PPP1R14C: variants seen among roughly 807,000 people sequenced by gnomAD.
The protein encoded by PPP1R14C is protein phosphatase 1 regulatory subunit 14C.
In PPP1R14C, 16 loss-of-function variants were observed where a neutral mutation model predicts 20.4. That is an observed-to-expected ratio of 0.78 (90% CI 0.53 to 1.19). The LOEUF (loss-of-function observed/expected upper bound fraction) is 1.19. Ranked by LOEUF, PPP1R14C falls within the 50% of genes most tolerant of loss-of-function variation. The probability of loss-of-function intolerance (pLI) is 0.00; values close to 1 mark genes in which losing one functional copy is unlikely to be tolerated. For synonymous variants in PPP1R14C, 91 were observed against 91.0 expected, an observed-to-expected ratio of 1.00 and a Z score of 0.00; for missense variants, 211 against 220.1, an observed-to-expected ratio of 0.96 and a Z score of 0.26.
intron 1 of PPP1R14C, among the ~76,000 whole-genome samples, chr6:150,209,976 T>A (rs2114906016): frequency 6.6e-6 from 1 of 151,984 alleles, no homozygotes; most frequent in East Asian, 1.9e-4. Flanking sequence ...TTCATGTGTG[T>A]GTATGTCTGT....
rs1259056755 is a variant in PPP1R14C at position 150,201,255 on chromosome 6, A to G, written c.307-13489A>G. On this transcript the variant is annotated intron_variant, in intron 1 of 3. Coordinates refer to ENST00000361131, the MANE Select transcript of PPP1R14C (RefSeq NM_030949.3). This position sits in a 1 kb window ranked among gnomAD's most constrained non-coding sequence, Gnocchi z 4.2. ...CTGCTCTTGGTCCTCCAGTATGGGG[A>G]GGCAGACTGAGAAATGTGAATTGGA... 6.6e-6 allele frequency among the ~76,000 whole-genome samples: 1 copy of G among 152,178 alleles called. No individual in the cohort carries two copies. The highest frequency in any genetic ancestry group is 1.5e-5 in the Non-Finnish European group (1 of 68,032).
chr6:150,177,597 C>A (rs79664274), intron 1 of PPP1R14C, among the ~76,000 whole-genome samples: 1 of 152,164 alleles, frequency 6.6e-6, no homozygotes, highest in East Asian at 1.9e-4. Flanking sequence ...TCTCTCTCCC[C>A]GGTAGGGTTC....
intron 3 of PPP1R14C, among the ~76,000 whole-genome samples, chr6:150,222,298 A>T (rs1267554455): frequency 6.6e-6 from 1 of 152,074 alleles, no homozygotes; most frequent in Non-Finnish European, 1.5e-5. Context: ...TATTATTTAG[A>T]GCAGTTTTAG....
At chr6:150,216,767 A>T in intron 2 of PPP1R14C, 57 bp from the exon 3 acceptor site, 1 of 1,237,098 alleles carries the variant, frequency 8.1e-7, no homozygotes, top group Non-Finnish European at 1.1e-6. Context: ...ATTTTGCCTT[A>T]AAAATAATGC....
chr6:150,144,368 G>T (rs762866135), intron 1 of PPP1R14C, among the ~76,000 whole-genome samples: 4 of 152,216 alleles, frequency 2.6e-5, no homozygotes, highest in Admixed American at 6.5e-5. Context: ...TTTGATTTAG[G>T]GAGAAATATG....
At chr6:150,239,228 G>A (rs931956215) in intron 3 of PPP1R14C, among the ~76,000 whole-genome samples, 5 of 152,202 alleles carry the variant, frequency 3.3e-5, no homozygotes, top group Non-Finnish European at 7.3e-5. Context: ...AAGTTACATG[G>A]GAGGAGGCTG....
intron 1 of PPP1R14C, among the ~76,000 whole-genome samples, chr6:150,165,636 T>C (rs1777414383): frequency 1.3e-5 from 2 of 152,248 alleles, no homozygotes; most frequent in South Asian, 2.1e-4. Context: ...TTTCTTTCTT[T>C]ACAAGTTAAA....
In PPP1R14C at chr6:150,162,527, C is replaced by T. The variant is rs990609109; in HGVS notation, c.306+19029C>T. 8.3e-5 allele frequency among the ~76,000 whole-genome samples: 6 copies of T among 72,122 alleles called. No homozygotes were observed. The South Asian group carries it at 4.2e-3, about 51-fold the overall frequency. The allele number at this position is 72,122 out of a possible 152,430, so 47.3% of individuals were successfully genotyped here. ...CCGTGGTTTTTTTGTGACTTGATAG[C>T]TCCATCTTTTTATGGCTGAATAAGA... On this transcript the variant is annotated intron_variant, in intron 1 of 3. Coordinates refer to ENST00000361131, the MANE Select transcript of PPP1R14C (RefSeq NM_030949.3).
intron 3 of PPP1R14C, among the ~76,000 whole-genome samples, chr6:150,229,522 A>T (rs1778268203): frequency 1.3e-5 from 2 of 152,172 alleles, no homozygotes; most frequent in Admixed American, 6.5e-5. Context: ...ATACAAATAG[A>T]GGTTGGGATT....
rs758526648 is a variant in PPP1R14C at position 150,146,185 on chromosome 6, C to A, written c.306+2687C>A. ...CCTATAAAGAAGATGTTCTTTTTAT[C>A]CTTGTTTAAATGTAAATAAAGAAGT... On this transcript the variant is annotated intron_variant, in intron 1 of 3. Transcript: ENST00000361131. Among the ~76,000 whole-genome samples the A allele has an allele frequency of 2.0e-5, 3 of 152,090 alleles. No homozygotes were observed. The East Asian group carries it at 5.8e-4, about 29-fold the overall frequency.
At chr6:150,171,144 G>A (rs759336693) in intron 1 of PPP1R14C, among the ~76,000 whole-genome samples, 1 of 152,124 alleles carries the variant, frequency 6.6e-6, no homozygotes, top group Non-Finnish European at 1.5e-5. Flanking sequence ...GTCCACTCAA[G>A]GTGCTGTACA....
At chr6:150,164,733 A>G (rs934544737) in intron 1 of PPP1R14C, 2 of 154,996 alleles carry the variant, frequency 1.3e-5, no homozygotes, top group African/African-American at 4.8e-5. Context: ...TTTAAAGATC[A>G]TCTTCCCTCA....
At chr6:150,234,815 C>T (rs1778337374) in intron 3 of PPP1R14C, among the ~76,000 whole-genome samples, 1 of 125,288 alleles carries the variant, frequency 8.0e-6, no homozygotes, top group Non-Finnish European at 1.6e-5. Flanking sequence ...CGCCACTGAA[C>T]TCCAACCTGG....
intron 1 of PPP1R14C, among the ~76,000 whole-genome samples, chr6:150,190,910 G>A (rs1221869426): frequency 6.6e-6 from 1 of 152,114 alleles, no homozygotes; most frequent in East Asian, 1.9e-4. Flanking sequence ...GGATGCCAGA[G>A]TGATCCCGTT....
rs1235844738 is a variant in PPP1R14C at position 150,249,263 on chromosome 6, C to T, written c.*443C>T. ...TCTCACACTTGTATATATCTACACACAACTAAGTTAAAATGTTGATGTGAG... is the reference window on the plus strand; with the variant it reads ...TCTCACACTTGTATATATCTACACATAACTAAGTTAAAATGTTGATGTGAG... On this transcript the variant is annotated 3_prime_UTR_variant, in exon 4 of 4. Transcript: ENST00000361131. The T allele has an allele frequency of 7.5e-6, 3 of 399,030 alleles. No homozygotes were observed. The highest frequency in any genetic ancestry group is 1.3e-5 in the Non-Finnish European group (3 of 226,266). 24.7% of individuals were successfully genotyped at this position (399,030 alleles called of 1,614,324 possible).
At chr6:150,155,859 T>C (rs1330225172) in intron 1 of PPP1R14C, among the ~76,000 whole-genome samples, 4 of 151,498 alleles carry the variant, frequency 2.6e-5, no homozygotes, top group Non-Finnish European at 5.9e-5. Context: ...ACCCCGTCTC[T>C]ATTTAAAATA....
chr6:150,152,746 C>T (rs1053121049), intron 1 of PPP1R14C, among the ~76,000 whole-genome samples: 1 of 152,234 alleles, frequency 6.6e-6, no homozygotes, highest in East Asian at 1.9e-4. Context: ...CCCACCCTCA[C>T]TGCAGCCTCC....
At chr6:150,207,176 T>C (rs1378338553) in intron 1 of PPP1R14C, among the ~76,000 whole-genome samples, 1 of 152,170 alleles carries the variant, frequency 6.6e-6, no homozygotes, top group Admixed American at 6.5e-5. Context: ...TTTGATGTTT[T>C]TAAAAAGGGC....
intron 1 of PPP1R14C, among the ~76,000 whole-genome samples, chr6:150,175,354 C>T (rs1423828151): frequency 1.3e-5 from 2 of 152,178 alleles, no homozygotes; most frequent in African/African-American, 4.8e-5. Flanking sequence ...GATCTCTTAG[C>T]AGAGGTCACA....
Sources: gnomAD v4.1 joint callset for allele counts (sites outside exome capture counted in the v4.1 genomes callset) on GRCh38, gnomAD v4.1.1 for gene constraint, Gnocchi (gnomAD v3.1) non-coding constraint, MANE v1.5 for transcripts, NCBI Gene and HGNC (gene_info 2026-07-23, HGNC 2026-07-21) for gene names.